The following DEPDC5 variants were observed in gnomAD, a reference collection of about 807,000 sequenced individuals.
DEPDC5 encodes GATOR1 complex protein DEPDC5.
DEPDC5 carries 73 observed loss-of-function variants against 217.3 expected under a neutral mutation model. The observed-to-expected ratio is 0.34, with a 90% confidence interval of 0.28 to 0.41. The LOEUF is 0.41. Ranked by LOEUF, DEPDC5 falls within the 10% of genes least tolerant of loss-of-function variation. The pLI is 1.00. For missense variants in DEPDC5, 1,675 were observed against 2,070.1 expected (o/e 0.81, Z 3.70); for synonymous variants, 733 against 756.7 (o/e 0.97, Z 0.51).
chr22:31,804,965 C>T lies in DEPDC5; in HGVS notation c.1217+50C>T, dbSNP rs2087338998. ...AGGTGATAAGCGTTTTGAACAGCTT[C>T]CTTGCCATTTTTCTTTAAATCTGTT... On this transcript the variant is annotated intron_variant, in intron 17 of 42. Transcript: ENST00000651528. The T allele has an allele frequency of 2.6e-6, 4 of 1,531,758 alleles. No homozygotes were observed. The East Asian group carries it at 6.8e-5, about 26-fold the overall frequency. The allele number at this position is 1,531,758 out of a possible 1,614,324, so 94.9% of individuals were successfully genotyped here.
At chr22:31,855,658 G>A (rs866939374) in intron 31 of DEPDC5, among the ~76,000 whole-genome samples, 43 of 152,256 alleles carry the variant, frequency 2.8e-4, no homozygotes, top group African/African-American at 8.7e-4. Context: ...GATTACAGGC[G>A]TGAGCCACTG....
At chr22:31,791,972 C>G in intron 10 of DEPDC5, 61 bp from the exon 11 acceptor site, 1 of 734,092 alleles carries the variant, frequency 1.4e-6, no homozygotes, top group African/African-American at 1.8e-5. Context: ...TGCATGCAGT[C>G]TGCTTCATAG....
intron 8 of DEPDC5, among the ~76,000 whole-genome samples, chr22:31,783,413 A>T (rs2084661504): frequency 6.6e-6 from 1 of 152,126 alleles, no homozygotes; most frequent in Non-Finnish European, 1.5e-5. Flanking sequence ...CACCTGAAGG[A>T]ACCACCTCCG....
intron 10 of DEPDC5, among the ~76,000 whole-genome samples, chr22:31,788,478 A>G (rs1229160173): frequency 2.0e-5 from 3 of 148,734 alleles, no homozygotes; most frequent in East Asian, 2.0e-4. Context: ...AGGTCTCACT[A>G]TGTTATCCAG....
intron 7 of DEPDC5, among the ~76,000 whole-genome samples, chr22:31,776,408 G>A (rs942887973): frequency 1.1e-4 from 16 of 151,772 alleles, no homozygotes; most frequent in Admixed American, 5.3e-4. Context: ...CACCGTGCCC[G>A]GCCCATTGTC....
intron 10 of DEPDC5, among the ~76,000 whole-genome samples, chr22:31,789,069 G>A (rs2085341643): frequency 6.6e-6 from 1 of 151,566 alleles, no homozygotes; most frequent in Admixed American, 6.6e-5. Flanking sequence ...GCTAATTTTT[G>A]TATTTTTAGT....
At chr22:31,826,921 C>T (rs750521952) in intron 24 of DEPDC5, among the ~76,000 whole-genome samples, 8 of 145,634 alleles carry the variant, frequency 5.5e-5, no homozygotes, top group Admixed American at 1.4e-4. Flanking sequence ...TTTTAAGAGA[C>T]AGGATCTTCC....
intron 38 of DEPDC5, among the ~76,000 whole-genome samples, chr22:31,881,156 G>A (rs905052901): frequency 1.3e-5 from 2 of 151,426 alleles, no homozygotes; most frequent in Admixed American, 6.6e-5. Context: ...ACCAAAATCA[G>A]TCAGGTGTGG....
chr22:31,806,730 G>A (rs2087586085), intron 18 of DEPDC5, among the ~76,000 whole-genome samples: 1 of 152,206 alleles, frequency 6.6e-6, no homozygotes, highest in Non-Finnish European at 1.5e-5. Flanking sequence ...TTCTGGCTGT[G>A]TGCAGTGGCT....
intron 21 of DEPDC5, chr22:31,815,783 C>T (rs150433159): frequency 1.6e-6 from 2 of 1,242,892 alleles, no homozygotes; most frequent in Admixed American, 3.8e-5. Context: ...CACCCATTGG[C>T]CTCCAAAAGT....
At chr22:31,803,064 C>G (rs1185186846) in intron 15 of DEPDC5, among the ~76,000 whole-genome samples, 1 of 152,190 alleles carries the variant, frequency 6.6e-6, no homozygotes, top group Non-Finnish European at 1.5e-5. Context: ...AATGACAGGT[C>G]TTCCTCAGTT....
chr22:31,773,064 A>G (rs1015470847), intron 7 of DEPDC5, among the ~76,000 whole-genome samples: 3 of 152,090 alleles, frequency 2.0e-5, no homozygotes, highest in African/African-American at 7.2e-5. Flanking sequence ...TTACAGATGT[A>G]AGTCACCACG....
chr22:31,837,017 C>T lies in DEPDC5; in HGVS notation c.2216C>T (p.Thr739Ile). The T allele has an allele frequency of 6.2e-7, 1 of 1,614,152 alleles. No individual in the cohort carries two copies. The highest frequency in any genetic ancestry group is 8.5e-7 in the Non-Finnish European group (1 of 1,180,028). ...APPVVPGFCC[T>I]VGVDWKSLTT... ...CCTGTAGTGCCAGGCTTCTGTTGCA[C>T]AGTTGGAGTGGACTGGAAGTCTCTC... The change falls in exon 26 of 43, where the codon ACA becomes ATA. Residue 739 changes from threonine to isoleucine, a missense_variant. This residue lies in a region of DEPDC5 where 8 missense variants were observed against 30.3 expected (regional missense o/e 0.26). Transcript: ENST00000651528.
intron 7 of DEPDC5, among the ~76,000 whole-genome samples, chr22:31,774,480 T>G (rs568659263): frequency 6.6e-6 from 1 of 151,642 alleles, no homozygotes; most frequent in Non-Finnish European, 1.5e-5. Flanking sequence ...ATTACAGGCG[T>G]GAGCCACCAC....
At chr22:31,788,924 T>A (rs1001730612) in intron 10 of DEPDC5, among the ~76,000 whole-genome samples, 1 of 152,100 alleles carries the variant, frequency 6.6e-6, no homozygotes, top group Non-Finnish European at 1.5e-5. Context: ...ACAGTCTCGC[T>A]CTGTCGCCCA....
intron 12 of DEPDC5, among the ~76,000 whole-genome samples, chr22:31,795,826 A>C (rs1323185723): frequency 6.7e-6 from 1 of 149,036 alleles, no homozygotes; most frequent in East Asian, 2.0e-4. Flanking sequence ...CGCCTCCCGG[A>C]TGCAAGCGAT....
rs2093764627 is a variant in DEPDC5 at position 31,906,632 on chromosome 22, T to TTGTC, written c.*138_*139insCTGT. Reference sequence around the variant, plus strand: ...GTGAGTGGGGGCCATTGTTTTTTGTTTGTTTGTTTGTTTGTTTGTTTGTTT... The same window carrying TTGTC: ...GTGAGTGGGGGCCATTGTTTTTTGTTTGTCTGTTTGTTTGTTTGTTTGTTTGTTT... On this transcript the variant is annotated 3_prime_UTR_variant, in exon 43 of 43. Coordinates refer to ENST00000651528, the MANE Select transcript of DEPDC5 (RefSeq NM_001242896.3). This position sits in a 1 kb window ranked among gnomAD's most constrained non-coding sequence, Gnocchi z 5.1. 3.9e-6 allele frequency: 4 copies of TTGTC among 1,038,952 alleles called. No homozygotes were observed. The highest frequency in any genetic ancestry group is 5.5e-6 in the Non-Finnish European group (4 of 728,878). The allele number at this position is 1,038,952 out of a possible 1,614,324, so 64.4% of individuals were successfully genotyped here.
At chr22:31,775,049 G>C (rs1269694041) in intron 7 of DEPDC5, among the ~76,000 whole-genome samples, 1 of 152,098 alleles carries the variant, frequency 6.6e-6, no homozygotes, top group Admixed American at 6.6e-5. Context: ...CCATGGGCCT[G>C]GTCCAGCCTT....
At chr22:31,815,858 G>A (rs2089039141) in intron 21 of DEPDC5, 1 of 1,116,978 alleles carries the variant, frequency 9.0e-7, no homozygotes, top group Non-Finnish European at 1.1e-6. Flanking sequence ...TTTTTGTTTA[G>A]CCTTTCTTCA....
Sources: gnomAD v4.1 joint callset for allele counts (sites outside exome capture counted in the v4.1 genomes callset) on GRCh38, gnomAD v4.1.1 for gene constraint, gnomAD v4.1.1 regional missense constraint, Gnocchi (gnomAD v3.1) non-coding constraint, MANE v1.5 for transcripts, NCBI Gene and HGNC (gene_info 2026-07-23, HGNC 2026-07-21) for gene names.